The following GBP6 variants were observed in gnomAD, a reference collection of about 807,000 sequenced individuals.
GBP6 encodes guanylate binding protein family member 6, also known as guanylate-binding protein 6.
In GBP6, 54 loss-of-function variants were observed where a neutral mutation model predicts 61.5. The observed-to-expected ratio is 0.88, with a 90% confidence interval of 0.71 to 1.10. GBP6 has a LOEUF of 1.10. Among genes scored for constraint, GBP6 ranks in the 50% least tolerant of loss-of-function variants. The pLI is 0.00. For synonymous variants in GBP6, 255 were observed against 273.7 expected (o/e 0.93, Z 0.67); for missense variants, 748 against 752.8 (o/e 0.99, Z 0.07).
chr1:89,378,517 C>A lies in GBP6; in HGVS notation c.529C>A (p.Leu177Ile). The change falls in exon 5 of 11, where the codon CTT becomes ATT. Residue 177 changes from leucine to isoleucine, a missense_variant. Physicochemically the swap from Leu to Ile is conservative, Grantham distance 5. Coordinates refer to ENST00000370456, the MANE Select transcript of GBP6 (RefSeq NM_198460.3). Reference protein sequence around the residue: ...TEFVSFFPDFLWTVRDFTLEL... With the variant: ...TEFVSFFPDFIWTVRDFTLEL... ...GTTTGTGAGTTTCTTCCCAGACTTTCTTTGGACAGTACGGGATTTCACTCT... is the reference window on the plus strand; with the variant it reads ...GTTTGTGAGTTTCTTCCCAGACTTTATTTGGACAGTACGGGATTTCACTCT... 1 of 1,614,086 alleles carries A rather than the reference C, an allele frequency of 6.2e-7. No homozygotes were observed. The highest frequency in any genetic ancestry group is 8.5e-7 in the Non-Finnish European group (1 of 1,179,974).
intron 2 of GBP6, 125 bp downstream of exon 2, chr1:89,368,866 C>A: frequency 1.3e-6 from 1 of 746,774 alleles, no homozygotes; most frequent in Non-Finnish European, 2.1e-6. Context: ...CCTTCTCATT[C>A]CAATTCTTAC....
chr1:89,382,588 C>A, intron 7 of GBP6, 76 bp from the exon 8 acceptor site: 2 of 1,209,640 alleles, frequency 1.7e-6, no homozygotes, highest in Non-Finnish European at 2.4e-6. Flanking sequence ...GTTAGATTGA[C>A]TCTACCACCA....
intron 1 of GBP6, among the ~76,000 whole-genome samples, chr1:89,366,396 AT>A (rs1349355796): frequency 6.6e-6 from 1 of 152,140 alleles, no homozygotes; most frequent in African/African-American, 2.4e-5. Context: ...GATAGCCTGT[AT>A]TCTCTAGAGT....
Position 89,380,597 on chromosome 1 carries a change from G to A in GBP6, c.837G>A (p.Lys279=), listed in dbSNP as rs747580967. 2.5e-5 allele frequency: 40 copies of A among 1,613,768 alleles called. No homozygotes were observed. Among genetic ancestry groups the A allele is most frequent in the Non-Finnish European group, 3.4e-5 (40 of 1,179,816 alleles). Residue 279 remains lysine, a synonymous_variant, in exon 6 of 11, where the codon AAG becomes AAA. Transcript: ENST00000370456. The part of the protein sequence containing the change: ...CSYIFTHART[K]TLREGITVTG... Reference sequence around the variant, plus strand: ...ACATCTTCACTCATGCAAGAACCAAGACCCTCAGGGAGGGAATCACAGTCA... The same window carrying A: ...ACATCTTCACTCATGCAAGAACCAAAACCCTCAGGGAGGGAATCACAGTCA...
intron 5 of GBP6, among the ~76,000 whole-genome samples, chr1:89,379,849 C>T (rs1044643118): frequency 5.9e-5 from 9 of 152,296 alleles, no homozygotes; most frequent in Admixed American, 5.9e-4. Context: ...CTTAAAACTA[C>T]CTTCTTGGCT....
chr1:89,382,457 A>G lies in GBP6; in HGVS notation c.1153-207A>G, dbSNP rs141422866. On this transcript the variant is annotated intron_variant, in intron 7 of 10. Coordinates refer to ENST00000370456, the MANE Select transcript of GBP6 (RefSeq NM_198460.3). ...GTCACAGATAAGGAACCTGAAGCTC[A>G]GGAAGATTAATGAACTTTTCCATAG... Among the ~76,000 whole-genome samples, 50 of 152,358 alleles carry G rather than the reference A, an allele frequency of 3.3e-4. No individual in the cohort carries two copies. In the East Asian group the frequency reaches 8.9e-3, roughly 27 times the overall value.
intron 1 of GBP6, among the ~76,000 whole-genome samples, chr1:89,367,739 G>A (rs1461949266): frequency 1.3e-5 from 2 of 152,070 alleles, no homozygotes; most frequent in African/African-American, 4.8e-5. Context: ...TGACATACCA[G>A]AAATCCAAGG....
chr1:89,364,828 T>TA (rs1415454709), intron 1 of GBP6, among the ~76,000 whole-genome samples: 1 of 151,022 alleles, frequency 6.6e-6, no homozygotes, highest in Non-Finnish European at 1.5e-5. Flanking sequence ...ATGTTTAAAA[T>TA]AAAAAAGATT....
chr1:89,364,754 A>G (rs1486579148), intron 1 of GBP6, among the ~76,000 whole-genome samples: 1 of 146,368 alleles, frequency 6.8e-6, no homozygotes, highest in Non-Finnish European at 1.5e-5. Context: ...AGGCCTGGGA[A>G]TCTGGGTTTG....
chr1:89,381,791 C>T lies in GBP6; in HGVS notation c.969C>T (p.Asn323=). 1 of 1,614,130 alleles carries T rather than the reference C, an allele frequency of 6.2e-7. No individual in the cohort carries two copies. The highest frequency in any genetic ancestry group is 8.5e-7 in the Non-Finnish European group (1 of 1,180,008). Residue 323 remains asparagine (N), a synonymous_variant, in exon 7 of 11, where the codon AAC becomes AAT. Coordinates refer to ENST00000370456, the MANE Select transcript of GBP6 (RefSeq NM_198460.3). ...NAVITLAQRE[N]SAAVQRAADY... is the part of the protein sequence containing the mutation. Reference sequence around the variant, plus strand: ...TGATAACTCTGGCCCAGCGTGAGAACTCAGCGGCCGTGCAGAGGGCAGCTG... The same window carrying T: ...TGATAACTCTGGCCCAGCGTGAGAATTCAGCGGCCGTGCAGAGGGCAGCTG...
chr1:89,385,518 TG>T lies in GBP6; in HGVS notation c.*50del, dbSNP rs1243900852. 9.1e-6 allele frequency: 14 copies of T among 1,545,114 alleles called. No individual in the cohort carries two copies. Among genetic ancestry groups the T allele is most frequent in the Middle Eastern group, 3.5e-4 (2 of 5,758 alleles). Reference sequence around the variant, plus strand: ...TGCTTTGGACTATTTTTGATCTGTATGTTTTTCATTTTCATTCAGCAAGTTT... The same window carrying T: ...TGCTTTGGACTATTTTTGATCTGTATTTTTTCATTTTCATTCAGCAAGTTT... On this transcript the variant is annotated 3_prime_UTR_variant, in exon 11 of 11. Coordinates refer to ENST00000370456, the MANE Select transcript of GBP6 (RefSeq NM_198460.3).
rs1232545097 is a variant in GBP6 at position 89,380,550 on chromosome 1, C to T, written c.790C>T (p.Gln264Ter). 1.9e-6 allele frequency: 3 copies of T among 1,613,892 alleles called. No homozygotes were observed. Among genetic ancestry groups the T allele is most frequent in the Non-Finnish European group, 2.5e-6 (3 of 1,179,924 alleles). Residue 264 changes from glutamine (Q) to a stop codon, truncating the protein, a stop_gained, in exon 6 of 11, where the codon CAA (glutamine) becomes TAA (stop). Transcript: ENST00000370456. LOFTEE classifies it high-confidence loss of function. Reference sequence around the variant, plus strand: ...GCAACTGGATCCCAAATTCCAGGAACAAACAAACATTTTCTGTTCTTACAT... The same window carrying T: ...GCAACTGGATCCCAAATTCCAGGAATAAACAAACATTTTCTGTTCTTACAT... The part of the protein sequence containing the change: ...EKQLDPKFQE[Q>*]TNIFCSYIFT...
chr1:89,376,018 T>C (rs1652799365), intron 3 of GBP6, among the ~76,000 whole-genome samples: 1 of 152,208 alleles, frequency 6.6e-6, no homozygotes, highest in African/African-American at 2.4e-5. Flanking sequence ...TTCAACTCTT[T>C]TAGATTTCAC....
intron 3 of GBP6, among the ~76,000 whole-genome samples, chr1:89,370,232 C>T (rs537548761): frequency 6.6e-6 from 1 of 152,344 alleles, no homozygotes; most frequent in Non-Finnish European, 1.5e-5. Flanking sequence ...CAGCACCTCA[C>T]AGCTTTCACC....
chr1:89,371,408 T>C (rs1652637107), intron 3 of GBP6, among the ~76,000 whole-genome samples: 1 of 151,884 alleles, frequency 6.6e-6, no homozygotes, highest in Non-Finnish European at 1.5e-5. Flanking sequence ...AATGCAAAAA[T>C]CCTCAATAAA....
Position 89,381,713 on chromosome 1 carries a change from G to A in GBP6, c.891G>A (p.Val297=), listed in dbSNP as rs1423652198. 1 of 1,608,390 alleles carries A rather than the reference G, an allele frequency of 6.2e-7. No individual in the cohort carries two copies. The highest frequency in any genetic ancestry group is 1.7e-5 in the Admixed American group (1 of 59,712). ...VTGNRLGTLA[V]TYVEAINSGA... is the part of the protein sequence containing the mutation. ...ATTTAGGTCTGGGAACTCTGGCAGTGACTTATGTAGAGGCCATCAACAGTG... is the reference window on the plus strand; with the variant it reads ...ATTTAGGTCTGGGAACTCTGGCAGTAACTTATGTAGAGGCCATCAACAGTG... The change falls in exon 7 of 11, where the codon GTG becomes GTA. Residue 297 remains valine, a synonymous_variant. Coordinates refer to ENST00000370456, the MANE Select transcript of GBP6 (RefSeq NM_198460.3).
At chr1:89,377,310 A>G (rs1200534337) in intron 3 of GBP6, among the ~76,000 whole-genome samples, 2 of 152,080 alleles carry the variant, frequency 1.3e-5, no homozygotes, top group African/African-American at 4.8e-5. Flanking sequence ...TATTGCAAAG[A>G]CTCCTGAAAT....
chr1:89,382,752 CA>C lies in GBP6; in HGVS notation c.1244del (p.Lys415ArgfsTer3). 6.2e-7 allele frequency: 1 copy of C among 1,613,964 alleles called. No individual in the cohort carries two copies. The highest frequency in any genetic ancestry group is 8.5e-7 in the Non-Finnish European group (1 of 1,179,854). ...TGCCAGGCTAAACTCAATGAGCTCTCAAAGGGACTAATGGAAAGTATCTCAG... is the reference window on the plus strand; with the variant it reads ...TGCCAGGCTAAACTCAATGAGCTCTCAAGGGACTAATGGAAAGTATCTCAG... Reference protein sequence around the residue: ...QYCQAKLNELSKGLMESISAG... With the variant: ...QYCQAKLNELXKGLMESISAG... On this transcript the variant is annotated frameshift_variant, in exon 8 of 11. Coordinates refer to ENST00000370456, the MANE Select transcript of GBP6 (RefSeq NM_198460.3). LOFTEE classifies it high-confidence loss of function.
At chr1:89,379,463 T>C (rs1444939594) in intron 5 of GBP6, among the ~76,000 whole-genome samples, 1 of 152,218 alleles carries the variant, frequency 6.6e-6, no homozygotes, top group East Asian at 1.9e-4. Flanking sequence ...TCAATATCCA[T>C]ATAGTTATAT....
Sources: allele counts gnomAD v4.1 joint callset (sites outside exome capture counted in the v4.1 genomes callset), GRCh38; gene constraint gnomAD v4.1.1; transcripts MANE v1.5; gene names NCBI Gene and HGNC (gene_info 2026-07-23, HGNC 2026-07-21).